The following RORA variants were observed in gnomAD, a reference collection of about 807,000 sequenced individuals.
RORA encodes nuclear receptor ROR-alpha.
A neutral mutation model predicts 69.5 loss-of-function variants in RORA; 7 were observed. That is an observed-to-expected ratio of 0.10 (90% CI 0.06 to 0.19). The LOEUF (loss-of-function observed/expected upper bound fraction) is 0.19. Ranked by LOEUF, RORA falls within the 10% of genes least tolerant of loss-of-function variation. The pLI, the probability that RORA is intolerant of heterozygous loss-of-function variation, is 1.00. For synonymous variants in RORA, 261 were observed against 240.8 expected (o/e 1.08, Z -0.78); for missense variants, 457 against 663.0 (o/e 0.69, Z 3.41).
intron 1 of RORA, among the ~76,000 whole-genome samples, chr15:61,125,534 G>A (rs146109363): frequency 1.4e-3 from 216 of 152,224 alleles, no homozygotes; most frequent in African/African-American, 4.1e-3. Context: ...CAGATTGTTC[G>A]TTAGATCACA....
intron 2 of RORA, among the ~76,000 whole-genome samples, chr15:60,547,226 T>A (rs892784960): frequency 6.6e-6 from 1 of 152,088 alleles, no homozygotes; most frequent in African/African-American, 2.4e-5. Context: ...AAAGTTCTTA[T>A]GTTGTCATTG....
At chr15:61,164,902 T>C (rs1299336181) in intron 1 of RORA, among the ~76,000 whole-genome samples, 1 of 152,142 alleles carries the variant, frequency 6.6e-6, no homozygotes, top group Non-Finnish European at 1.5e-5. Context: ...TGCCCATCAA[T>C]ACTAAAGAAT....
At chr15:60,851,565 C>A (rs1439614232) in intron 1 of RORA, among the ~76,000 whole-genome samples, 1 of 152,146 alleles carries the variant, frequency 6.6e-6, no homozygotes, top group East Asian at 1.9e-4. Flanking sequence ...TCTGAGTTTG[C>A]TGAAAATAAA....
intron 1 of RORA, among the ~76,000 whole-genome samples, chr15:61,025,612 T>C (rs1895770156): frequency 6.6e-6 from 1 of 152,190 alleles, no homozygotes; most frequent in South Asian, 2.1e-4. Context: ...CATAAGTTCG[T>C]AAAAGCTCCC....
chr15:60,687,393 C>T (rs2070765132), intron 1 of RORA, among the ~76,000 whole-genome samples: 1 of 152,102 alleles, frequency 6.6e-6, no homozygotes, highest in Non-Finnish European at 1.5e-5. Flanking sequence ...TAGATCATTA[C>T]TATTTGTAGC....
At chr15:60,858,692 TACACACAC>T (rs3053884) in intron 1 of RORA, among the ~76,000 whole-genome samples, 13 of 142,818 alleles carry the variant, frequency 9.1e-5, no homozygotes, top group African/African-American at 1.6e-4. Flanking sequence ...AGAAAGAAAA[TACACACAC>T]ACACACACAC....
chr15:60,841,209 T>C (rs1054555147), intron 1 of RORA: 2 of 387,258 alleles, frequency 5.2e-6, no homozygotes, highest in African/African-American at 4.4e-5. Context: ...CAAACACTTC[T>C]CAGGTGGCTG....
At chr15:60,819,195 A>G (rs1250587367) in intron 1 of RORA, among the ~76,000 whole-genome samples, 1 of 152,246 alleles carries the variant, frequency 6.6e-6, no homozygotes, top group African/African-American at 2.4e-5. Flanking sequence ...CCTTGAAAGA[A>G]ATTCCTTCAC....
intron 2 of RORA, among the ~76,000 whole-genome samples, chr15:60,535,231 T>C (rs4594196): frequency 0.14 from 21,521 of 152,246 alleles, 1,971 homozygotes; most frequent in South Asian, 0.31. Context: ...TTAGCCCACA[T>C]ACATATTCAT....
At chr15:60,922,484 CT>C (rs1356944132) in intron 1 of RORA, among the ~76,000 whole-genome samples, 3 of 152,154 alleles carry the variant, frequency 2.0e-5, no homozygotes, top group Non-Finnish European at 2.9e-5. Flanking sequence ...AATAAAGTCT[CT>C]TTAAGAAGAT....
chr15:60,889,027 C>T (rs1209629952), intron 1 of RORA, among the ~76,000 whole-genome samples: 1 of 152,192 alleles, frequency 6.6e-6, no homozygotes, highest in Non-Finnish European at 1.5e-5. Context: ...TTAAGAGATG[C>T]TTAAGGAAAA....
intron 1 of RORA, among the ~76,000 whole-genome samples, chr15:61,207,698 A>G (rs2079954935): frequency 6.6e-6 from 1 of 152,234 alleles, no homozygotes; most frequent in Non-Finnish European, 1.5e-5. Context: ...GTTATTGTTC[A>G]TGATAATTCT....
intron 1 of RORA, among the ~76,000 whole-genome samples, chr15:61,129,784 T>A (rs909728361): frequency 6.6e-6 from 1 of 152,200 alleles, no homozygotes; most frequent in Admixed American, 6.5e-5. Context: ...CCTGTCTTAA[T>A]CTTCTGATCT....
At chr15:60,728,350 A>T (rs2071390202) in intron 1 of RORA, among the ~76,000 whole-genome samples, 1 of 152,118 alleles carries the variant, frequency 6.6e-6, no homozygotes, top group South Asian at 2.1e-4. Flanking sequence ...CATCCTCCCA[A>T]CTCACCCTTG....
At chr15:60,518,725 G>C (rs1295287711) in intron 3 of RORA, among the ~76,000 whole-genome samples, 1 of 152,186 alleles carries the variant, frequency 6.6e-6, no homozygotes, top group East Asian at 1.9e-4. Flanking sequence ...TGCTCATCCT[G>C]CTGCACCTTC....
intron 2 of RORA, among the ~76,000 whole-genome samples, chr15:60,563,630 A>G (rs2067638936): frequency 6.6e-6 from 1 of 152,220 alleles, no homozygotes; most frequent in Admixed American, 6.5e-5. Flanking sequence ...CTGAGACAGC[A>G]CAGTGCTTGG....
intron 1 of RORA, among the ~76,000 whole-genome samples, chr15:61,146,294 A>T (rs1596025991): frequency 6.7e-6 from 1 of 149,456 alleles, no homozygotes; most frequent in East Asian, 1.9e-4. Flanking sequence ...ACTGCCGACC[A>T]TCTGTTGTCA....
At chr15:60,717,798 T>C (rs903989255) in intron 1 of RORA, among the ~76,000 whole-genome samples, 2 of 135,592 alleles carry the variant, frequency 1.5e-5, no homozygotes, top group South Asian at 2.4e-4. Flanking sequence ...CTTTTTCTCT[T>C]TTTTTTTTTT....
intron 2 of RORA, chr15:60,546,530 AG>A (rs1439594976): frequency 6.6e-6 from 1 of 152,214 alleles, no homozygotes; most frequent in Non-Finnish European, 1.5e-5. Flanking sequence ...AGTTCTGTAT[AG>A]TCTTCACTAA....
Sources: gnomAD v4.1 joint callset for allele counts (sites outside exome capture counted in the v4.1 genomes callset) on GRCh38, gnomAD v4.1.1 for gene constraint, MANE v1.5 for transcripts, NCBI Gene and HGNC (gene_info 2026-07-23, HGNC 2026-07-21) for gene names.